The following DNAH10 variants were observed in gnomAD, a reference collection of about 807,000 sequenced individuals.
The protein encoded by DNAH10 is dynein axonemal heavy chain 10, also known as axonemal beta dynein heavy chain 10.
DNAH10 carries 348 observed loss-of-function variants against 506.6 expected under a neutral mutation model. The observed-to-expected ratio is 0.69, with a 90% CI of 0.63 to 0.75. The LOEUF (loss-of-function observed/expected upper bound fraction) is 0.75. Among genes scored for constraint, DNAH10 ranks in the 30% least tolerant of loss-of-function variants. DNAH10 has a pLI of 0.00. For missense variants in DNAH10, 5,179 were observed against 5,787.1 expected, an observed-to-expected ratio of 0.89 and a Z score of 3.41; for synonymous variants, 2,059 against 2,198.6, an observed-to-expected ratio of 0.94 and a Z score of 1.78.
chr12:123,793,466 G>A (rs2136234688), intron 11 of DNAH10, among the ~76,000 whole-genome samples: 1 of 151,774 alleles, frequency 6.6e-6, no homozygotes, highest in South Asian at 2.1e-4. Context: ...AGCCTCCAGA[G>A]TACCTGGGAC....
At chr12:123,871,248 C>T (rs1391313996) in intron 44 of DNAH10, among the ~76,000 whole-genome samples, 3 of 152,190 alleles carry the variant, frequency 2.0e-5, no homozygotes, top group East Asian at 3.8e-4. Flanking sequence ...CGTTCTAACC[C>T]TGGACTGTGG....
At position 123,839,534 on chromosome 12, in the gene DNAH10, C is replaced by T. The variant is rs980482348; in HGVS notation, c.5136+845C>T. Among the ~76,000 whole-genome samples, 5 of 152,268 alleles carry T rather than the reference C, an allele frequency of 3.3e-5. No homozygotes were observed. In the East Asian group the frequency reaches 9.6e-4, roughly 29 times the overall value. On this transcript the variant is annotated intron_variant, in intron 29 of 78. Coordinates refer to ENST00000673944, the MANE Select transcript of DNAH10 (RefSeq NM_001372106.1). ...TCAATGTTGGCTAAATAACCCTCTCCACTACCCAGAATTGGCACTTGTTAC... is the reference window on the plus strand; with the variant it reads ...TCAATGTTGGCTAAATAACCCTCTCTACTACCCAGAATTGGCACTTGTTAC...
intron 50 of DNAH10, among the ~76,000 whole-genome samples, 177 bp downstream of exon 50, chr12:123,879,978 G>A (rs757983609): frequency 1.6e-4 from 24 of 152,222 alleles, no homozygotes; most frequent in Non-Finnish European, 1.8e-4. Context: ...TGGGAGTGAC[G>A]TTAGGAAATT....
At chr12:123,817,833 CTGGG>C in intron 21 of DNAH10, among the ~76,000 whole-genome samples, 2 of 152,222 alleles carry the variant, frequency 1.3e-5, no homozygotes, top group East Asian at 3.9e-4. Context: ...GACACCATAA[CTGGG>C]TACATTAGCA....
intron 62 of DNAH10, among the ~76,000 whole-genome samples, chr12:123,915,629 GC>G (rs1954443625): frequency 6.6e-6 from 1 of 152,170 alleles, no homozygotes; most frequent in Admixed American, 6.5e-5. Context: ...ACGCTGTGTG[GC>G]CTTTTGTGTC....
intron 1 of DNAH10, among the ~76,000 whole-genome samples, chr12:123,764,715 C>T (rs539490302): frequency 6.2e-4 from 94 of 152,300 alleles, no homozygotes; most frequent in South Asian, 4.1e-4. Flanking sequence ...AACTCCCCCA[C>T]CCCGCCCCCT....
rs1044583597 is a variant in DNAH10, at chr12:123,886,466, G to A, written c.8824-676G>A. 9.8e-5 allele frequency among the ~76,000 whole-genome samples: 14 copies of A among 142,274 alleles called. 1 individual carries two copies. Among genetic ancestry groups the A allele is most frequent in the East Asian group, 6.3e-4 (3 of 4,756 alleles). The allele number at this position is 142,274 out of a possible 152,430, so 93.3% of individuals were successfully genotyped here. A position where few individuals can be genotyped will look rare whatever the true frequency, so the allele number is the denominator to read the frequency against. On this transcript the variant is annotated intron_variant, in intron 51 of 78. Coordinates refer to ENST00000673944, the MANE Select transcript of DNAH10 (RefSeq NM_001372106.1). Reference sequence around the variant, plus strand: ...ATTGGCCAGAAGGCATCCTGGTTGCGTTGCGCGCGCGCGCGTGTGTGTGCA... The same window carrying A: ...ATTGGCCAGAAGGCATCCTGGTTGCATTGCGCGCGCGCGCGTGTGTGTGCA...
chr12:123,797,517 C>T (rs973310796), intron 13 of DNAH10, among the ~76,000 whole-genome samples: 18 of 152,190 alleles, frequency 1.2e-4, no homozygotes, highest in Non-Finnish European at 2.1e-4. Flanking sequence ...CTCAGCCTCC[C>T]GAGTAGCGGG....
At position 123,909,508 on chromosome 12, in the gene DNAH10, A is replaced by G. The variant is rs1164683706; in HGVS notation, c.9997+66A>G. Reference sequence around the variant, plus strand: ...GGTCTGGCATCTCAGGCTCTGGGACAGGGATGGAGGGCAAGGAGGCTTGTC... The same window carrying G: ...GGTCTGGCATCTCAGGCTCTGGGACGGGGATGGAGGGCAAGGAGGCTTGTC... On this transcript the variant is annotated intron_variant, in intron 58 of 78. Coordinates refer to ENST00000673944, the MANE Select transcript of DNAH10 (RefSeq NM_001372106.1). This position sits in a 1 kb window ranked among gnomAD's most constrained non-coding sequence, Gnocchi z 5.4. 4 of 1,480,820 alleles carry G rather than the reference A, an allele frequency of 2.7e-6. No individual in the cohort carries two copies. Among genetic ancestry groups the G allele is most frequent in the East Asian group, 2.5e-5 (1 of 40,328 alleles). 91.7% of individuals were successfully genotyped at this position (1,480,820 alleles called of 1,614,324 possible). A position where few individuals can be genotyped will look rare whatever the true frequency, so the allele number is the denominator to read the frequency against.
chr12:123,859,384 T>C (rs542285409), intron 38 of DNAH10, 116 bp downstream of exon 38: 1 of 759,636 alleles, frequency 1.3e-6, no homozygotes, highest in East Asian at 3.2e-5. Context: ...GGTAAATTTG[T>C]AATACACACC....
intron 12 of DNAH10, among the ~76,000 whole-genome samples, chr12:123,795,294 C>T (rs537429427): frequency 6.6e-6 from 1 of 152,110 alleles, no homozygotes; most frequent in Admixed American, 6.5e-5. Context: ...CCCAATGCTG[C>T]TGGAACTAAT....
chr12:123,853,182 G>A lies in DNAH10; in HGVS notation c.6292-24G>A, dbSNP rs1433160303. 20 of 1,509,348 alleles carry A rather than the reference G, an allele frequency of 1.3e-5. No homozygotes were observed. Among genetic ancestry groups the A allele is most frequent in the Non-Finnish European group, 1.8e-5 (20 of 1,127,702 alleles). 93.5% of individuals were successfully genotyped at this position (1,509,348 alleles called of 1,614,324 possible). A position where few individuals can be genotyped will look rare whatever the true frequency, so the allele number is the denominator to read the frequency against. ...ATCATTTTCTTTTTTCTTTTTTTTT[G>A]TATTATTATCTTCTATCAAAAAGAC... On this transcript the variant is annotated intron_variant, in intron 35 of 78. Transcript: ENST00000673944. The surrounding 1 kb of genome is among the most constrained non-coding windows in gnomAD (Gnocchi z 4.7).
intron 57 of DNAH10, among the ~76,000 whole-genome samples, chr12:123,906,862 G>A (rs1953807073): frequency 6.6e-6 from 1 of 152,196 alleles, no homozygotes; most frequent in African/African-American, 2.4e-5. Context: ...AATCCTCTTT[G>A]TAGAAATCAT....
chr12:123,806,345 A>AGG (rs2136305407), intron 18 of DNAH10, among the ~76,000 whole-genome samples: 2 of 152,302 alleles, frequency 1.3e-5, no homozygotes, highest in East Asian at 3.9e-4. Context: ...TTTACAGAGG[A>AGG]GGATACAGAA....
chr12:123,765,565 T>TATCG (rs1555302007), intron 1 of DNAH10, among the ~76,000 whole-genome samples: 1 of 8,920 alleles, frequency 1.1e-4, no homozygotes, highest in Non-Finnish European at 3.3e-4. Context: ...ATCTATACTT[T>TATCG]ATCTATCTAT....
intron 22 of DNAH10, 26 bp downstream of exon 22, chr12:123,819,092 G>C (rs199931288): frequency 6.3e-7 from 1 of 1,599,766 alleles, no homozygotes; most frequent in Admixed American, 1.7e-5. Context: ...CACTTCCTGA[G>C]TAAAGACATT....
rs143399378 is a variant in DNAH10 at position 123,828,822 on chromosome 12, A to G, written c.4392-1724A>G. Among the ~76,000 whole-genome samples the G allele has an allele frequency of 1.2e-3, 182 of 152,292 alleles. 1 individual carries two copies. Among genetic ancestry groups the G allele is most frequent in the African/African-American group, 4.0e-3 (167 of 41,556 alleles). On this transcript the variant is annotated intron_variant, in intron 25 of 78. Transcript: ENST00000673944. ...CTTAAAGTGGTGGTGTTTGTCCAAG[A>G]TGAGGTTGCTCCTGCTCTGTCACAC...
chr12:123,893,304 A>C lies in DNAH10; in HGVS notation c.9067A>C (p.Lys3023Gln), dbSNP rs1220128252. ...GAGTCAGATTGGACAGGAAGCTCTG[A>C]AGCAAGGCATGGGGCCGGCCAAGGA... ...ILSQIGQEALKQGMGPAKESV... is the reference protein window; with the variant it reads ...ILSQIGQEALQQGMGPAKESV... Residue 3023 changes from lysine (K) to glutamine (Q), a missense_variant, in exon 53 of 79, where the codon AAG (lysine) becomes CAG (glutamine). Lys to Gln is a moderately conservative substitution (Grantham distance 53). Around this residue, in one of 3 missense-constraint regions of DNAH10, gnomAD observed 4,844 missense variants for 5,430.5 expected, o/e 0.89. Coordinates refer to ENST00000673944, the MANE Select transcript of DNAH10 (RefSeq NM_001372106.1). The C allele has an allele frequency of 6.2e-7, 1 of 1,614,058 alleles. No individual in the cohort carries two copies. Among genetic ancestry groups the C allele is most frequent in the African/African-American group, 1.3e-5 (1 of 75,066 alleles).
rs1157827381 is a variant in DNAH10 at position 123,867,466 on chromosome 12, G to A, written c.7168-1G>A. The A allele has an allele frequency of 2.5e-6, 4 of 1,611,098 alleles. No homozygotes were observed. Among genetic ancestry groups the A allele is most frequent in the Non-Finnish European group, 3.4e-6 (4 of 1,178,930 alleles). ...TGCTTTGGAATGCTACTTTTTTATA[G>A]GTGGAGCAATACAATTTGAATAGTC... On this transcript the variant is annotated splice_acceptor_variant, in intron 41 of 78. Coordinates refer to ENST00000673944, the MANE Select transcript of DNAH10 (RefSeq NM_001372106.1). LOFTEE classifies it high-confidence loss of function.
Sources: gnomAD v4.1 joint callset for allele counts (sites outside exome capture counted in the v4.1 genomes callset) on GRCh38, gnomAD v4.1.1 for gene constraint, gnomAD v4.1.1 regional missense constraint, Gnocchi (gnomAD v3.1) non-coding constraint, MANE v1.5 for transcripts, NCBI Gene and HGNC (gene_info 2026-07-23, HGNC 2026-07-21) for gene names.